CLTCL1: variants seen among roughly 807,000 people sequenced by gnomAD.
CLTCL1 encodes clathrin heavy chain like 1.
In CLTCL1, 159 loss-of-function variants were observed where a neutral mutation model predicts 190.0. The ratio of observed to expected loss-of-function variants is 0.84; its 90% CI spans 0.74 to 0.95. The LOEUF is 0.95. Among genes scored for constraint, CLTCL1 ranks in the 40% least tolerant of loss-of-function variants. The pLI, the probability that CLTCL1 is intolerant of heterozygous loss-of-function variation, is 0.00. For synonymous variants in CLTCL1, 752 were observed against 769.6 expected, an observed-to-expected ratio of 0.98 and a Z score of 0.38; for missense variants, 1,878 against 2,033.4, an observed-to-expected ratio of 0.92 and a Z score of 1.47.
intron 7 of CLTCL1, 146 bp from the exon 8 acceptor site, chr22:19,233,768 GCTT>G: frequency 2.9e-6 from 2 of 693,118 alleles, no homozygotes; most frequent in South Asian, 3.8e-5. Context: ...CAAGGCAACT[GCTT>G]CTATCTTCAA....
rs797039810 is a variant in CLTCL1 at position 19,267,636 on chromosome 22, G to A, written c.250+7987C>T. Among the ~76,000 whole-genome samples the A allele has an allele frequency of 1.4e-4, 22 of 152,304 alleles. 1 individual carries two copies. Among genetic ancestry groups the A allele is most frequent in the African/African-American group, 4.8e-4 (20 of 41,552 alleles). ...GGGTCGGGCACAGTGGCTCACACCT[G>A]TAATCCCAATACTTTGTGAGGCTGA... On this transcript the variant is annotated intron_variant, in intron 2 of 32. Coordinates refer to ENST00000427926, the MANE Select transcript of CLTCL1 (RefSeq NM_007098.4).
chr22:19,250,728 A>AT (rs2086568845), intron 3 of CLTCL1, among the ~76,000 whole-genome samples: 2 of 151,416 alleles, frequency 1.3e-5, no homozygotes, highest in Non-Finnish European at 1.5e-5. Context: ...TAGTTTTTGC[A>AT]TTTTTTGTAA....
At chr22:19,257,626 T>C (rs1184782005) in intron 2 of CLTCL1, 11 of 417,736 alleles carry the variant, frequency 2.6e-5, no homozygotes, top group African/African-American at 1.9e-4. Context: ...CCAGCCGGCA[T>C]CTATGCAGAT....
intron 6 of CLTCL1, among the ~76,000 whole-genome samples, chr22:19,234,969 T>C (rs1291143786): frequency 6.6e-6 from 1 of 152,248 alleles, no homozygotes; most frequent in African/African-American, 2.4e-5. Flanking sequence ...AAATGACCTA[T>C]GTGGATGGAA....
rs530465267 is a variant in CLTCL1, at chr22:19,202,547, T to C, written c.3601-1054A>G. 1.0e-3 allele frequency among the ~76,000 whole-genome samples: 88 copies of C among 86,688 alleles called. 3 individuals are homozygous for C. Among genetic ancestry groups the C allele is most frequent in the East Asian group, 8.4e-3 (17 of 2,014 alleles). 56.9% of individuals were successfully genotyped at this position (86,688 alleles called of 152,430 possible). A position where few individuals can be genotyped will look rare whatever the true frequency, so the allele number is the denominator to read the frequency against. On this transcript the variant is annotated intron_variant, in intron 22 of 32. Coordinates refer to ENST00000427926, the MANE Select transcript of CLTCL1 (RefSeq NM_007098.4). ...ACCTCCCCCACCACCCCTCCTTCTG[T>C]CATCCATGGCACCTCCCCTCCTTCC...
At chr22:19,216,309 A>G (rs1168860098) in intron 18 of CLTCL1, 53 bp from the exon 19 acceptor site, 70 of 1,574,524 alleles carry the variant, frequency 4.4e-5, no homozygotes, top group Non-Finnish European at 5.8e-5. Flanking sequence ...TCAAGACTGT[A>G]TCTTTGAAGC....
chr22:19,275,663 A>G lies in CLTCL1; in HGVS notation c.210T>C (p.Ser70=), dbSNP rs782328831. 1.2e-6 allele frequency: 2 copies of G among 1,606,664 alleles called. No individual in the cohort carries two copies. The highest frequency in any genetic ancestry group is 1.7e-6 in the Non-Finnish European group (2 of 1,176,654). The change falls in exon 2 of 33, where the codon AGT becomes AGC. Residue 70 remains serine (S), a synonymous_variant. Transcript: ENST00000427926. The stretch of plus-strand genomic sequence containing the variant: ...CCTTAGAGGCTGGATTCATGATGGC[A>G]CTCTCTGCAGAGATAGGCCGTCGGA... ...APIRRPISAE[S]AIMNPASKVI...
chr22:19,272,814 T>C (rs2087367450), intron 2 of CLTCL1, among the ~76,000 whole-genome samples: 1 of 152,168 alleles, frequency 6.6e-6, no homozygotes, highest in African/African-American at 2.4e-5. Context: ...GGTCTTGCTC[T>C]GTCACCCAGG....
intron 19 of CLTCL1, among the ~76,000 whole-genome samples, chr22:19,211,322 A>G (rs1485676925): frequency 6.6e-6 from 1 of 152,208 alleles, no homozygotes; most frequent in East Asian, 1.9e-4. Context: ...GAGTCTGGAC[A>G]CTTTCCCCGA....
intron 2 of CLTCL1, among the ~76,000 whole-genome samples, chr22:19,260,779 CAAAAAAA>C (rs34267370): frequency 0.017 from 955 of 56,966 alleles, 16 homozygotes; most frequent in South Asian, 0.14. Flanking sequence ...AACTCTGTCT[CAAAAAAA>C]AAAAAAAAAA....
intron 3 of CLTCL1, among the ~76,000 whole-genome samples, chr22:19,243,313 C>A (rs553698907): frequency 6.6e-6 from 1 of 152,112 alleles, no homozygotes; most frequent in Non-Finnish European, 1.5e-5. Flanking sequence ...TCTGAAATTT[C>A]TAAGTAGCAA....
rs2085711142 is a variant in CLTCL1, at chr22:19,225,457, G to T, written c.2124C>A (p.Tyr708Ter). Residue 708 changes from tyrosine (Y) to a stop codon, truncating the protein, a stop_gained, in exon 13 of 33, where the codon TAC becomes TAA. Transcript: ENST00000427926. LOFTEE classifies it high-confidence loss of function. ...LVELFESFKSYKGLFYFLGSI... is the reference protein window; with the variant it reads ...LVELFESFKS ...GCGAGAGGCTGCATGGTTTACCTTTGTAACTCTTGAAGGATTCAAAGAGCT... is the reference window on the plus strand; with the variant it reads ...GCGAGAGGCTGCATGGTTTACCTTTTTAACTCTTGAAGGATTCAAAGAGCT... 1.3e-6 allele frequency: 2 copies of T among 1,579,086 alleles called. No individual in the cohort carries two copies. Among genetic ancestry groups the T allele is most frequent in the East Asian group, 4.6e-5 (2 of 43,112 alleles).
At chr22:19,259,491 C>T (rs1335178550) in intron 2 of CLTCL1, among the ~76,000 whole-genome samples, 1 of 152,188 alleles carries the variant, frequency 6.6e-6, no homozygotes, top group Non-Finnish European at 1.5e-5. Flanking sequence ...CATGTGCTCA[C>T]TTCCTGTCTC....
At chr22:19,221,861 CTA>C in intron 16 of CLTCL1, 88 bp downstream of exon 16, 1 of 1,440,708 alleles carries the variant, frequency 6.9e-7, no homozygotes. Flanking sequence ...GAACGACCAG[CTA>C]TAGAGACAGT....
intron 2 of CLTCL1, among the ~76,000 whole-genome samples, chr22:19,260,819 C>T (rs985141567): frequency 3.5e-5 from 5 of 142,612 alleles, no homozygotes; most frequent in African/African-American, 1.3e-4. Context: ...TATGCTAAAT[C>T]TCCTCTGCCT....
chr22:19,242,792 T>C lies in CLTCL1; in HGVS notation c.664A>G (p.Asn222Asp), dbSNP rs1257766380. ...PATLFCFAVR[N>D]PTGGKLHIIE... Reference sequence around the variant, plus strand: ...GATCTTACCTTGCCTCCTGTGGGATTACGTACAGCAAAGCAGAAAAGGGTG... The same window carrying C: ...GATCTTACCTTGCCTCCTGTGGGATCACGTACAGCAAAGCAGAAAAGGGTG... The change falls in exon 4 of 33, where the codon AAT becomes GAT. Residue 222 changes from asparagine (N) to aspartate (D), a missense_variant. Asn to Asp is a conservative substitution (Grantham distance 23). Transcript: ENST00000427926. The C allele has an allele frequency of 6.2e-7, 1 of 1,613,814 alleles. No homozygotes were observed. Among genetic ancestry groups the C allele is most frequent in the Non-Finnish European group, 8.5e-7 (1 of 1,179,894 alleles).
chr22:19,227,483 G>A (rs1475504473), intron 11 of CLTCL1, among the ~76,000 whole-genome samples: 2 of 135,868 alleles, frequency 1.5e-5, no homozygotes, highest in East Asian at 2.1e-4. Flanking sequence ...ATGGAGTCTC[G>A]CTCTGTTGCC....
intron 12 of CLTCL1, 61 bp from the exon 13 acceptor site, chr22:19,225,694 G>C (rs1465071532): frequency 7.1e-7 from 1 of 1,399,346 alleles, no homozygotes; most frequent in East Asian, 2.5e-5. Flanking sequence ...CTAACACTTG[G>C]AAAATAACTA....
chr22:19,246,295 C>T (rs1361683806), intron 3 of CLTCL1, among the ~76,000 whole-genome samples: 3 of 151,938 alleles, frequency 2.0e-5, no homozygotes, highest in Non-Finnish European at 4.4e-5. Flanking sequence ...CTCCTGACCT[C>T]GTGATCCACC....
Sources: gnomAD v4.1 joint callset for allele counts (sites outside exome capture counted in the v4.1 genomes callset) on GRCh38, gnomAD v4.1.1 for gene constraint, MANE v1.5 for transcripts, NCBI Gene and HGNC (gene_info 2026-07-23, HGNC 2026-07-21) for gene names.